Variants in ABCD3 observed in about 807,000 individuals in gnomAD.
ABCD3 encodes ATP-binding cassette sub-family D member 3.
Under a neutral mutation model 105.5 loss-of-function variants are expected in ABCD3, and 41 were observed. That is an observed-to-expected ratio of 0.39 (90% CI 0.30 to 0.50). ABCD3 has a LOEUF of 0.50. Among genes scored for constraint, ABCD3 ranks in the 20% least tolerant of loss-of-function variants. The pLI is 0.84. For synonymous variants in ABCD3, 258 were observed against 269.0 expected, an observed-to-expected ratio of 0.96 and a Z score of 0.40; for missense variants, 622 against 806.3, an observed-to-expected ratio of 0.77 and a Z score of 2.77.
intron 1 of ABCD3, among the ~76,000 whole-genome samples, chr1:94,442,425 A>G (rs1176370453): frequency 6.6e-6 from 1 of 152,160 alleles, no homozygotes; most frequent in Non-Finnish European, 1.5e-5. Flanking sequence ...TTAGTTATCA[A>G]CTTTTGCATT....
At position 94,517,095 on chromosome 1, in the gene ABCD3, A is replaced by C; in HGVS notation, c.1946A>C (p.Gln649Pro). The change falls in exon 23 of 23, where the codon CAG becomes CCG. Residue 649 changes from glutamine to proline, a missense_variant. Around this residue, in one of 4 missense-constraint regions of ABCD3, gnomAD observed 285 missense variants for 352.5 expected, o/e 0.81. Transcript: ENST00000370214. ...GGCAGAGGCAACTATGAATTCAAAC[A>C]GATAACAGAAGATACAGTTGAGTTT... ...MDGRGNYEFK[Q>P]ITEDTVEFGS is the part of the protein sequence containing the mutation. 6.2e-7 allele frequency: 1 copy of C among 1,610,964 alleles called. No individual in the cohort carries two copies. Among genetic ancestry groups the C allele is most frequent in the East Asian group, 2.2e-5 (1 of 44,772 alleles).
chr1:94,490,086 A>C, intron 15 of ABCD3, 111 bp downstream of exon 15: 1 of 1,031,960 alleles, frequency 9.7e-7, no homozygotes, highest in Non-Finnish European at 1.5e-6. Flanking sequence ...CTGCTTTTTT[A>C]AAAAACAGCT....
chr1:94,400,292 C>A, the ABCD3 span, among the ~76,000 whole-genome samples: 1 of 151,740 alleles, frequency 6.6e-6, no homozygotes, highest in South Asian at 2.1e-4. Flanking sequence ...GCAACCTCAG[C>A]TACTCAGGAG....
intron 20 of ABCD3, among the ~76,000 whole-genome samples, chr1:94,503,265 A>T (rs967131444): frequency 4.6e-5 from 7 of 152,168 alleles, no homozygotes; most frequent in African/African-American, 1.7e-4. Context: ...TCATGTAGTA[A>T]GTGTGGTGAT....
At position 94,517,178 on chromosome 1, in the gene ABCD3, A is replaced by G. The variant is rs1248540187; in HGVS notation, c.*49A>G. 7.3e-7 allele frequency: 1 copy of G among 1,378,464 alleles called. No individual in the cohort carries two copies. The highest frequency in any genetic ancestry group is 1.0e-6 in the Non-Finnish European group (1 of 966,778). The allele number at this position is 1,378,464 out of a possible 1,614,324, so 85.4% of individuals were successfully genotyped here. On this transcript the variant is annotated 3_prime_UTR_variant, in exon 23 of 23. Transcript: ENST00000370214. Reference sequence around the variant, plus strand: ...CTTCAGTGAAATAATTACAGAATATACTTAGAAAGGCAAAGTACATTGTAA... The same window carrying G: ...CTTCAGTGAAATAATTACAGAATATGCTTAGAAAGGCAAAGTACATTGTAA...
At chr1:94,414,022 T>C (rs1437443754), upstream of ABCD3, among the ~76,000 whole-genome samples, 1 of 151,928 alleles carries the variant, frequency 6.6e-6, no homozygotes, top group Admixed American at 6.6e-5. Context: ...GTAGAAGGAA[T>C]AGGATATTCA....
rs192132375 is a variant in ABCD3 at position 94,429,657 on chromosome 1, C to T, written c.110+11069C>T. Among the ~76,000 whole-genome samples the T allele has an allele frequency of 3.7e-4, 56 of 152,336 alleles. No homozygotes were observed. The East Asian group carries it at 6.6e-3, about 18-fold the overall frequency. On this transcript the variant is annotated intron_variant, in intron 1 of 22. Coordinates refer to ENST00000370214, the MANE Select transcript of ABCD3 (RefSeq NM_002858.4). ...CAGCTTCTATGTGGTGTTGAGCCTGCGAGTGCACAGAAGTCAAGAATTGGG... is the reference window on the plus strand; with the variant it reads ...CAGCTTCTATGTGGTGTTGAGCCTGTGAGTGCACAGAAGTCAAGAATTGGG...
chr1:94,427,599 A>G (rs1248870385), intron 1 of ABCD3, among the ~76,000 whole-genome samples: 1 of 152,200 alleles, frequency 6.6e-6, no homozygotes, highest in East Asian at 1.9e-4. Context: ...AAGGAGAAAG[A>G]TAGGATCTTC....
At chr1:94,462,478 T>C (rs765965706) in intron 2 of ABCD3, among the ~76,000 whole-genome samples, 6 of 152,188 alleles carry the variant, frequency 3.9e-5, no homozygotes, top group Non-Finnish European at 8.8e-5. Flanking sequence ...AAAACAATGA[T>C]AATTTGGAAG....
intron 10 of ABCD3, among the ~76,000 whole-genome samples, chr1:94,487,094 TTAGA>T (rs1260444883): frequency 3.3e-5 from 5 of 152,172 alleles, no homozygotes; most frequent in African/African-American, 1.2e-4. Context: ...AATACAATTC[TTAGA>T]TAAAGCACAG....
At chr1:94,403,857 GC>G in the ABCD3 span, among the ~76,000 whole-genome samples, 1 of 152,258 alleles carries the variant, frequency 6.6e-6, no homozygotes, top group Non-Finnish European at 1.5e-5. Context: ...TCTTTGAGGA[GC>G]CCTTGTTCCT....
chr1:94,466,457 T>C (rs570301460), intron 3 of ABCD3, among the ~76,000 whole-genome samples: 1 of 152,298 alleles, frequency 6.6e-6, no homozygotes, highest in Admixed American at 6.5e-5. Context: ...ATTTTCCTTA[T>C]AGGGTAAATC....
intron 1 of ABCD3, among the ~76,000 whole-genome samples, chr1:94,456,579 CT>C (rs879362043): frequency 1.2e-3 from 170 of 143,178 alleles, no homozygotes; most frequent in Middle Eastern, 3.6e-3. Flanking sequence ...CACTTAGCTC[CT>C]TTTTTTTTTT....
chr1:94,453,725 T>C (rs920125205), intron 1 of ABCD3, among the ~76,000 whole-genome samples: 1 of 151,790 alleles, frequency 6.6e-6, no homozygotes, highest in Non-Finnish European at 1.5e-5. Flanking sequence ...TCAAATTTTA[T>C]CTATTTTTGT....
At chr1:94,417,573 A>G (rs79065647), upstream of ABCD3, among the ~76,000 whole-genome samples, 718 of 152,352 alleles carry the variant, frequency 4.7e-3, 5 homozygotes, top group African/African-American at 0.016. Flanking sequence ...CATTAATACA[A>G]CGCACGATTG....
chr1:94,496,610 C>T (rs1430621611), intron 16 of ABCD3, among the ~76,000 whole-genome samples: 2 of 151,584 alleles, frequency 1.3e-5, no homozygotes, highest in South Asian at 4.2e-4. Flanking sequence ...TGCCACTACC[C>T]TACCCCTACC....
chr1:94,510,300 TTGAG>T (rs1311950296), intron 21 of ABCD3, among the ~76,000 whole-genome samples: 1 of 152,136 alleles, frequency 6.6e-6, no homozygotes, highest in Non-Finnish European at 1.5e-5. Context: ...TTGAGTGGTT[TTGAG>T]TGAGTTTCTT....
intron 16 of ABCD3, among the ~76,000 whole-genome samples, chr1:94,494,260 C>T (rs1649690535): frequency 6.6e-6 from 1 of 152,054 alleles, no homozygotes; most frequent in Non-Finnish European, 1.5e-5. Flanking sequence ...AGTCTTGAGT[C>T]CCCACTTATG....
intron 16 of ABCD3, among the ~76,000 whole-genome samples, chr1:94,496,525 C>T (rs1473085288): frequency 1.3e-5 from 2 of 151,420 alleles, no homozygotes; most frequent in African/African-American, 4.9e-5. Context: ...TCCTTGCTTC[C>T]ACCTTTTGGC....
Sources: gnomAD v4.1 joint callset for allele counts (sites outside exome capture counted in the v4.1 genomes callset) on GRCh38, gnomAD v4.1.1 for gene constraint, gnomAD v4.1.1 regional missense constraint, MANE v1.5 for transcripts, NCBI Gene and HGNC (gene_info 2026-07-23, HGNC 2026-07-21) for gene names.